The following GNB5 variants were observed in gnomAD, a reference collection of about 807,000 sequenced individuals.
GNB5 encodes G protein subunit beta 5.
GNB5 carries 37 observed loss-of-function variants against 55.3 expected under a neutral mutation model. The observed-to-expected ratio is 0.67, with a 90% CI of 0.51 to 0.88. The LOEUF is 0.88. Among genes scored for constraint, GNB5 ranks in the 40% least tolerant of loss-of-function variants. The probability of loss-of-function intolerance (pLI) is 0.00; values close to 1 mark genes in which losing one functional copy is unlikely to be tolerated. For synonymous variants in GNB5, 219 were observed against 198.5 expected (o/e 1.10, Z -0.87); for missense variants, 476 against 515.3 (o/e 0.92, Z 0.74).
chr15:52,149,405 C>G, intron 5 of GNB5: 1 of 265,680 alleles, frequency 3.8e-6, no homozygotes, highest in Non-Finnish European at 7.1e-6. Flanking sequence ...TGTGCATGCC[C>G]AAGCCAGACT....
chr15:52,141,613 A>C (rs1235651721), intron 6 of GNB5, among the ~76,000 whole-genome samples: 5 of 151,414 alleles, frequency 3.3e-5, no homozygotes, highest in Non-Finnish European at 5.9e-5. Context: ...GTAAAACTGA[A>C]AAAAAAAATA....
chr15:52,191,038 T>G (rs2076433920), intron 1 of GNB5, among the ~76,000 whole-genome samples: 1 of 152,324 alleles, frequency 6.6e-6, no homozygotes, highest in South Asian at 2.1e-4. Context: ...ATTTTAAAAC[T>G]GACTTAGTGA....
chr15:52,155,378 C>T (rs2034186251), intron 3 of GNB5, among the ~76,000 whole-genome samples: 2 of 152,202 alleles, frequency 1.3e-5, no homozygotes. Flanking sequence ...TGGTCTGAGT[C>T]CTATGACAGC....
Position 52,121,603 on chromosome 15 carries a change from GAATAT to G in GNB5, c.*1149_*1153del, listed in dbSNP as rs985934344. 1 of 144,886 alleles carries G rather than the reference GAATAT, an allele frequency of 6.9e-6. No homozygotes were observed. The highest frequency in any genetic ancestry group is 2.6e-5 in the African/African-American group (1 of 37,774). 9.0% of individuals were successfully genotyped at this position (144,886 alleles called of 1,614,324 possible). On this transcript the variant is annotated 3_prime_UTR_variant, in exon 13 of 13. Transcript: ENST00000261837. ...ATTATAATTGCAATGCAATACATAT[GAATAT>G]AATTTTTTTTTTTTTTTGAGACGGA...
At chr15:52,163,812 C>T (rs1396636215) in intron 3 of GNB5, among the ~76,000 whole-genome samples, 1 of 152,216 alleles carries the variant, frequency 6.6e-6, no homozygotes, top group Non-Finnish European at 1.5e-5. Flanking sequence ...CAAATGCCTC[C>T]TCCAGGAGCG....
intron 3 of GNB5, among the ~76,000 whole-genome samples, chr15:52,162,181 C>T (rs953498653): frequency 2.6e-5 from 4 of 152,140 alleles, no homozygotes; most frequent in African/African-American, 7.2e-5. Flanking sequence ...CATATCTCCT[C>T]GGAGCCTGCA....
At chr15:52,145,015 G>T (rs1049543671) in intron 6 of GNB5, among the ~76,000 whole-genome samples, 1 of 152,088 alleles carries the variant, frequency 6.6e-6, no homozygotes, top group Non-Finnish European at 1.5e-5. Context: ...CATGAGTTTG[G>T]CGAGTTGTTT....
At position 52,147,528 on chromosome 15, in the gene GNB5, G is replaced by T; in HGVS notation, c.425C>A (p.Ala142Glu). 6.3e-7 allele frequency: 1 copy of T among 1,581,392 alleles called. No individual in the cohort carries two copies. The highest frequency in any genetic ancestry group is 8.7e-7 in the Non-Finnish European group (1 of 1,154,936). ...WDSFTTNKEH[A>E]VTMPCTWVMA... is the part of the protein sequence containing the mutation. ...CACCCACGTGCAGGGCATGGTGACC[G>T]CGTGCTCCTGAAACACAGCACAGAG... is the stretch of plus-strand genomic sequence containing the variant. Residue 142 changes from alanine (A) to glutamate (E), a missense_variant, in exon 6 of 13, where the codon GCG (alanine) becomes GAG (glutamate). Coordinates refer to ENST00000261837, the MANE Select transcript of GNB5 (RefSeq NM_016194.4).
At chr15:52,154,343 T>G (rs2034164213) in intron 3 of GNB5, among the ~76,000 whole-genome samples, 1 of 152,212 alleles carries the variant, frequency 6.6e-6, no homozygotes, top group Non-Finnish European at 1.5e-5. Context: ...CTATGCATGT[T>G]GAGGGATTAA....
At chr15:52,137,375 G>A in intron 7 of GNB5, 1 of 1,036,176 alleles carries the variant, frequency 9.7e-7, no homozygotes, top group Non-Finnish European at 1.2e-6. Flanking sequence ...CTGGCCAGGT[G>A]AAAGAAGGGA....
At chr15:52,189,408 A>G (rs2034888958) in intron 1 of GNB5, among the ~76,000 whole-genome samples, 1 of 151,988 alleles carries the variant, frequency 6.6e-6, no homozygotes, top group South Asian at 2.1e-4. Context: ...ACATGGTGAA[A>G]CCCCATATCT....
intron 3 of GNB5, among the ~76,000 whole-genome samples, chr15:52,172,970 T>C (rs1363364796): frequency 6.6e-6 from 1 of 152,214 alleles, no homozygotes; most frequent in Non-Finnish European, 1.5e-5. Context: ...ATCGGCACCT[T>C]TTCATACGTG....
intron 3 of GNB5, among the ~76,000 whole-genome samples, chr15:52,179,441 C>G (rs1189750885): frequency 5.3e-5 from 8 of 152,120 alleles, no homozygotes. Flanking sequence ...ACCCCCTGCC[C>G]TCCGCATGGG....
rs2033178356 is a variant in GNB5 at position 52,117,991 on chromosome 15, C to T, written c.*4766G>A. The T allele has an allele frequency of 1.3e-5, 2 of 152,810 alleles. No individual in the cohort carries two copies. Among genetic ancestry groups the T allele is most frequent in the South Asian group, 2.1e-4 (1 of 4,836 alleles). The allele number at this position is 152,810 out of a possible 1,614,324, so 9.5% of individuals were successfully genotyped here. On this transcript the variant is annotated 3_prime_UTR_variant, in exon 13 of 13. Transcript: ENST00000261837. ...GGGCCTCAGCCCCAGTCTTCTACCC[C>T]ACCCACTGTGCCTTCCCCAGGCTTC...
In GNB5 at chr15:52,121,308, G is replaced by C. The variant is rs545796744; in HGVS notation, c.*1449C>G. 1 of 152,262 alleles carries C rather than the reference G, an allele frequency of 6.6e-6. No individual in the cohort carries two copies. The highest frequency in any genetic ancestry group is 1.5e-5 in the Non-Finnish European group (1 of 68,080). The allele number at this position is 152,262 out of a possible 1,614,324, so 9.4% of individuals were successfully genotyped here. A position where few individuals can be genotyped will look rare whatever the true frequency, so the allele number is the denominator to read the frequency against. On this transcript the variant is annotated 3_prime_UTR_variant, in exon 13 of 13. Transcript: ENST00000261837. The stretch of plus-strand genomic sequence containing the variant: ...CCACCGACGAGGCAGGCCTCACCAG[G>C]AATGACACCTGGTGTCTGAGGTGAC...
chr15:52,148,594 CAGG>C (rs1282714550), intron 5 of GNB5, among the ~76,000 whole-genome samples: 1 of 152,224 alleles, frequency 6.6e-6, no homozygotes, highest in African/African-American at 2.4e-5. Flanking sequence ...TATCTGCATG[CAGG>C]AGGATAGGGG....
chr15:52,154,128 C>T, intron 3 of GNB5, 52 bp from the exon 4 acceptor site: 2 of 1,579,572 alleles, frequency 1.3e-6, no homozygotes, highest in Non-Finnish European at 1.7e-6. Flanking sequence ...AGGTTCTGGG[C>T]TTTGGGCTGA....
At chr15:52,167,227 C>T (rs1462698820) in intron 3 of GNB5, among the ~76,000 whole-genome samples, 1 of 152,160 alleles carries the variant, frequency 6.6e-6, no homozygotes, top group African/African-American at 2.4e-5. Context: ...GACAGATTTA[C>T]AGCTGAATTT....
rs58614125 is a variant in GNB5, at chr15:52,190,778, T to TAA, written c.-19+542_-19+543dup. Among the ~76,000 whole-genome samples, 16 of 96,900 alleles carry TAA rather than the reference T, an allele frequency of 1.7e-4. 1 individual carries two copies. Among genetic ancestry groups the TAA allele is most frequent in the African/African-American group, 7.0e-4 (16 of 22,718 alleles). The allele number at this position is 96,900 out of a possible 152,430, so 63.6% of individuals were successfully genotyped here. ...CCACAGAAAATAATGCTTATTTCCT[T>TAA]AAAAAAAAAAAAAAAAAAAAAAAAA... is the stretch of plus-strand genomic sequence containing the variant. On this transcript the variant is annotated intron_variant, in intron 1 of 12. Coordinates refer to ENST00000261837, the MANE Select transcript of GNB5 (RefSeq NM_016194.4).
Sources: allele counts gnomAD v4.1 joint callset (sites outside exome capture counted in the v4.1 genomes callset), GRCh38; gene constraint gnomAD v4.1.1; transcripts MANE v1.5; gene names NCBI Gene and HGNC (gene_info 2026-07-23, HGNC 2026-07-21).